CEP350: variants seen among roughly 807,000 people sequenced by gnomAD.
CEP350 encodes the protein centrosomal protein 350.
A neutral mutation model predicts 331.8 loss-of-function variants in CEP350; 126 were observed. The ratio of observed to expected loss-of-function variants is 0.38; its 90% CI spans 0.33 to 0.44. CEP350 has a LOEUF of 0.44. CEP350 is among the 20% of genes least tolerant of loss of function. The pLI, the probability that CEP350 is intolerant of heterozygous loss-of-function variation, is 1.00. For synonymous variants in CEP350, 1,200 were observed against 1,259.5 expected (o/e 0.95, Z 1.00); for missense variants, 3,406 against 3,634.6 (o/e 0.94, Z 1.62).
At chr1:179,991,267 T>C (rs1653035402) in intron 4 of CEP350, among the ~76,000 whole-genome samples, 2 of 151,720 alleles carry the variant, frequency 1.3e-5, no homozygotes, top group South Asian at 4.1e-4. Context: ...AATGCAAATT[T>C]TTCTTGGGTT....
At chr1:180,009,280 G>T (rs1216365535) in intron 8 of CEP350, among the ~76,000 whole-genome samples, 14 of 152,218 alleles carry the variant, frequency 9.2e-5, no homozygotes, top group Non-Finnish European at 1.5e-5. Context: ...AAAGTTTTGG[G>T]ATTATAGGCG....
rs1257924325 is a variant in CEP350 at position 180,065,175 on chromosome 1, T to C, written c.5470T>C (p.Leu1824=). 1.9e-6 allele frequency: 3 copies of C among 1,613,746 alleles called. No homozygotes were observed. The highest frequency in any genetic ancestry group is 2.2e-5 in the South Asian group (2 of 91,036). Residue 1824 remains leucine (L), a synonymous_variant, in exon 27 of 38, where the codon TTG becomes CTG. Transcript: ENST00000367607. Reference sequence around the variant, plus strand: ...GGCAACCAGTCCTGGTCCAACTGACTTGGAGACCCGCAGTCCTTCTCCCAT... The same window carrying C: ...GGCAACCAGTCCTGGTCCAACTGACCTGGAGACCCGCAGTCCTTCTCCCAT... ...NKATSPGPTD[L]ETRSPSPISI... is the part of the protein sequence containing the mutation.
At chr1:180,094,701 A>G in intron 34 of CEP350, 85 bp downstream of exon 34, 1 of 1,378,548 alleles carries the variant, frequency 7.3e-7, no homozygotes, top group Non-Finnish European at 9.8e-7. Context: ...AGTACATTTT[A>G]ATTCTGTGAC....
chr1:180,048,777 G>A, intron 22 of CEP350, 72 bp downstream of exon 22: 1 of 1,247,920 alleles, frequency 8.0e-7, no homozygotes, highest in East Asian at 2.5e-5. Flanking sequence ...TTGTTATAAA[G>A]TGGCAAATAA....
intron 1 of CEP350, among the ~76,000 whole-genome samples, chr1:179,971,032 GT>G (rs202043163): frequency 8.2e-4 from 115 of 140,070 alleles, no homozygotes; most frequent in South Asian, 2.9e-3. Flanking sequence ...GTTGTTGTTT[GT>G]TTTTTTTTTT....
chr1:180,062,297 G>A lies in CEP350; in HGVS notation c.5340G>A (p.Glu1780=). ...AGCTGATTCTTAAACAGCAGGAGGAGATAGAAAAGATCCGACAGACCACCA... is the reference window on the plus strand; with the variant it reads ...AGCTGATTCTTAAACAGCAGGAGGAAATAGAAAAGATCCGACAGACCACCA... The part of the protein sequence containing the change: ...ERQLILKQQE[E]IEKIRQTTIK... Residue 1780 remains glutamate, a synonymous_variant, in exon 26 of 38, where the codon GAG becomes GAA. Transcript: ENST00000367607. 6.2e-7 allele frequency: 1 copy of A among 1,611,022 alleles called. No individual in the cohort carries two copies.
At chr1:179,977,242 G>A (rs1322721175) in intron 1 of CEP350, among the ~76,000 whole-genome samples, 2 of 152,192 alleles carry the variant, frequency 1.3e-5, no homozygotes, top group Non-Finnish European at 2.9e-5. Flanking sequence ...GGGACTATGG[G>A]TGATTGATAT....
intron 6 of CEP350, 105 bp from the exon 7 acceptor site, chr1:180,003,069 A>C: frequency 1.4e-6 from 1 of 694,106 alleles, no homozygotes; most frequent in African/African-American, 1.8e-5. Context: ...ACACTAAAAG[A>C]GTGAATTTTA....
chr1:180,033,705 A>G (rs1050836528), intron 15 of CEP350, among the ~76,000 whole-genome samples, 157 bp from the exon 16 acceptor site: 1 of 152,234 alleles, frequency 6.6e-6, no homozygotes, highest in Non-Finnish European at 1.5e-5. Flanking sequence ...ATAGTCATTC[A>G]TTCAGCATAG....
intron 12 of CEP350, among the ~76,000 whole-genome samples, chr1:180,021,288 A>G (rs140779514): frequency 3.9e-5 from 6 of 152,274 alleles, no homozygotes. Flanking sequence ...AAATTCATAG[A>G]TGATGTTCAG....
At position 180,111,277 on chromosome 1, in the gene CEP350, T is replaced by A; in HGVS notation, c.*116T>A. On this transcript the variant is annotated 3_prime_UTR_variant, in exon 38 of 38. Coordinates refer to ENST00000367607, the MANE Select transcript of CEP350 (RefSeq NM_014810.5). Reference sequence around the variant, plus strand: ...TGCTTCTGGACCTTGTACTTATTCTTAAAGACTACCAGTATGGAGTTCATA... The same window carrying A: ...TGCTTCTGGACCTTGTACTTATTCTAAAAGACTACCAGTATGGAGTTCATA... 8.1e-7 allele frequency: 1 copy of A among 1,235,612 alleles called. No homozygotes were observed. Among genetic ancestry groups the A allele is most frequent in the Non-Finnish European group, 1.1e-6 (1 of 891,778 alleles). 76.5% of individuals were successfully genotyped at this position (1,235,612 alleles called of 1,614,324 possible).
Position 179,987,229 on chromosome 1 carries a change from T to A in CEP350, c.74-11T>A. ...GTTGATTGATAAAGTAAATATCATT[T>A]TTTTTCCCAGCAGATATAACCACAT... On this transcript the variant is annotated splice_polypyrimidine_tract_variant and intron_variant, in intron 2 of 37. Coordinates refer to ENST00000367607, the MANE Select transcript of CEP350 (RefSeq NM_014810.5). 6.7e-7 allele frequency: 1 copy of A among 1,482,090 alleles called. No homozygotes were observed. The highest frequency in any genetic ancestry group is 9.3e-7 in the Non-Finnish European group (1 of 1,075,652). The allele number at this position is 1,482,090 out of a possible 1,614,324, so 91.8% of individuals were successfully genotyped here.
intron 14 of CEP350, among the ~76,000 whole-genome samples, chr1:180,027,413 C>G (rs1040584539): frequency 2.6e-5 from 4 of 152,096 alleles, no homozygotes; most frequent in Non-Finnish European, 4.4e-5. Flanking sequence ...GGGTCTCACT[C>G]TATCACCCAG....
chr1:180,030,606 C>G lies in CEP350; in HGVS notation c.3551-714C>G, dbSNP rs1199339326. On this transcript the variant is annotated intron_variant, in intron 14 of 37. Transcript: ENST00000367607. ...TTAAGCCCCATAGATCTCTAGTTAC[C>G]TCATCAGTAAATTTGGGATATAGTA... Among the ~76,000 whole-genome samples the G allele has an allele frequency of 6.6e-5, 10 of 151,828 alleles. No homozygotes were observed. The East Asian group carries it at 1.9e-3, about 29-fold the overall frequency.
intron 27 of CEP350, among the ~76,000 whole-genome samples, chr1:180,070,508 G>T (rs1014208103): frequency 6.6e-6 from 1 of 152,064 alleles, no homozygotes; most frequent in Non-Finnish European, 1.5e-5. Flanking sequence ...AATTGGAAGG[G>T]CTCTTAGGGA....
chr1:180,063,690 A>AT (rs1341415527), intron 26 of CEP350, among the ~76,000 whole-genome samples: 1 of 152,078 alleles, frequency 6.6e-6, no homozygotes, highest in Non-Finnish European at 1.5e-5. Flanking sequence ...GCATACACCT[A>AT]TAGTCCCAGC....
At chr1:180,110,815 A>G (rs1400931853) in intron 37 of CEP350, among the ~76,000 whole-genome samples, 182 bp from the exon 38 acceptor site, 1 of 152,180 alleles carries the variant, frequency 6.6e-6, no homozygotes, top group Non-Finnish European at 1.5e-5. Context: ...ATATTTGGCA[A>G]TTGAGGTTTT....
In CEP350 at chr1:179,992,117, A is replaced by G; in HGVS notation, c.291A>G (p.Lys97=). 1 of 1,555,064 alleles carries G rather than the reference A, an allele frequency of 6.4e-7. No homozygotes were observed. Among genetic ancestry groups the G allele is most frequent in the Non-Finnish European group, 8.7e-7 (1 of 1,152,484 alleles). Reference sequence around the variant, plus strand: ...ATGCTCCAATCTCCAAATCCACTAAATCACGAAAAGAGAAATCTCGTAGTC... The same window carrying G: ...ATGCTCCAATCTCCAAATCCACTAAGTCACGAAAAGAGAAATCTCGTAGTC... The part of the protein sequence containing the change: ...WVNAPISKST[K]SRKEKSRSPL... Residue 97 remains lysine (K), a synonymous_variant, in exon 5 of 38, where the codon AAA becomes AAG. Transcript: ENST00000367607.
In CEP350 at chr1:180,065,163, G is replaced by A. The variant is rs1658474561; in HGVS notation, c.5458G>A (p.Gly1820Ser). The A allele has an allele frequency of 6.2e-7, 1 of 1,613,294 alleles. No homozygotes were observed. The highest frequency in any genetic ancestry group is 1.7e-5 in the Admixed American group (1 of 59,914). The change falls in exon 27 of 38, where the codon GGT becomes AGT. Residue 1820 changes from glycine (G) to serine (S), a missense_variant. Gly to Ser is a moderately conservative substitution (Grantham distance 56). Coordinates refer to ENST00000367607, the MANE Select transcript of CEP350 (RefSeq NM_014810.5). ...AAAGGATAATAAGGCAACCAGTCCT[G>A]GTCCAACTGACTTGGAGACCCGCAG... is the stretch of plus-strand genomic sequence containing the variant. ...DTKDNKATSP[G>S]PTDLETRSPS...
Sources: allele counts gnomAD v4.1 joint callset (sites outside exome capture counted in the v4.1 genomes callset), GRCh38; gene constraint gnomAD v4.1.1; transcripts MANE v1.5; gene names NCBI Gene and HGNC (gene_info 2026-07-23, HGNC 2026-07-21).